BLTP1: variants seen among roughly 807,000 people sequenced by gnomAD.
BLTP1 encodes bridge-like lipid transfer protein family member 1, also known as fragile site-associated protein.
At chr4:122,207,761 C>A in the BLTP1 span, 1 of 1,043,068 alleles carries the variant, frequency 9.6e-7, no homozygotes, top group Non-Finnish European at 1.3e-6. Flanking sequence ...AGCTTTCCTC[C>A]AATGTCTACT....
chr4:122,176,169 G>C, the BLTP1 span, among the ~76,000 whole-genome samples: 2 of 151,974 alleles, frequency 1.3e-5, no homozygotes, highest in Admixed American at 1.3e-4. Flanking sequence ...TGGGCGTGGT[G>C]GTGGGCACCT....
the BLTP1 span, chr4:122,289,832 A>G: frequency 1.0e-6 from 1 of 971,044 alleles, no homozygotes; most frequent in South Asian, 4.8e-5. Flanking sequence ...TAACAAATTT[A>G]TGAAGTATCT....
At chr4:122,303,097 GC>G in the BLTP1 span, among the ~76,000 whole-genome samples, 1 of 152,184 alleles carries the variant, frequency 6.6e-6, no homozygotes, top group East Asian at 1.9e-4. Flanking sequence ...AGAAATCAAT[GC>G]CTGGCTTCAA....
At chr4:122,211,215 C>A in the BLTP1 span, 2 of 879,024 alleles carry the variant, frequency 2.3e-6, no homozygotes, top group Non-Finnish European at 3.4e-6. Flanking sequence ...GAGGATATAC[C>A]AGATATGTTG....
the BLTP1 span, chr4:122,236,997 C>T: frequency 1.0e-6 from 1 of 985,254 alleles, no homozygotes; most frequent in South Asian, 4.7e-5. Flanking sequence ...TTTGGAAGGT[C>T]AGTGAGCACT....
At chr4:122,234,720 T>A in the BLTP1 span, 38 of 1,531,894 alleles carry the variant, frequency 2.5e-5, no homozygotes, top group African/African-American at 4.2e-4. Flanking sequence ...TTTTCATTTC[T>A]TAATGATTTT....
At chr4:122,234,572 T>G in the BLTP1 span, 9 of 194,260 alleles carry the variant, frequency 4.6e-5, no homozygotes, top group South Asian at 3.6e-4. Context: ...TCCGTCTCAC[T>G]TGCTCTGGTA....
the BLTP1 span, among the ~76,000 whole-genome samples, chr4:122,283,016 A>G: frequency 2.6e-5 from 4 of 152,124 alleles, no homozygotes; most frequent in East Asian, 7.7e-4. Context: ...TTATCATTTA[A>G]CTTTTTCTTT....
chr4:122,265,728 T>TTGATCTATAGCCCA, the BLTP1 span, among the ~76,000 whole-genome samples: 2 of 152,216 alleles, frequency 1.3e-5, no homozygotes, highest in African/African-American at 4.8e-5. Context: ...AGACAGAGTC[T>TTGATCTATAGCCCA]TGATCTATAG....
the BLTP1 span, chr4:122,207,514 C>CTT: frequency 0.031 from 39,180 of 1,274,034 alleles, 109 homozygotes; most frequent in South Asian, 0.063. Context: ...ACTTTTTCTT[C>CTT]TTTTTTTTTT....
chr4:122,318,201 G>A, the BLTP1 span: 2 of 1,610,916 alleles, frequency 1.2e-6, no homozygotes, highest in Non-Finnish European at 1.7e-6. Context: ...GTTACCAACA[G>A]TTAGAATCTG....
chr4:122,222,039 G>C, the BLTP1 span: 4 of 326,216 alleles, frequency 1.2e-5, no homozygotes, highest in Non-Finnish European at 1.8e-5. Context: ...TTGGGGATTA[G>C]AGAAGGAGTT....
chr4:122,240,732 A>G, the BLTP1 span, among the ~76,000 whole-genome samples: 7 of 152,178 alleles, frequency 4.6e-5, no homozygotes, highest in South Asian at 1.2e-3. Flanking sequence ...AAAGGCTTCA[A>G]TGTCCACTTA....
chr4:122,189,468 A>G, the BLTP1 span: 1 of 951,142 alleles, frequency 1.1e-6, no homozygotes, highest in Non-Finnish European at 1.3e-6. Context: ...TCATGGAAAT[A>G]GGTAATAAGA....
the BLTP1 span, chr4:122,315,414 T>G: frequency 6.2e-7 from 1 of 1,607,338 alleles, no homozygotes; most frequent in South Asian, 1.1e-5. Context: ...GTTATTTCAA[T>G]TTCTATACCC....
the BLTP1 span, among the ~76,000 whole-genome samples, chr4:122,257,912 G>A: frequency 6.6e-6 from 1 of 152,126 alleles, no homozygotes; most frequent in Non-Finnish European, 1.5e-5. Context: ...AATATAAGTA[G>A]AACGTTTTGA....
chr4:122,208,574 G>GT, the BLTP1 span: 8,165 of 964,566 alleles, frequency 8.5e-3, 48 homozygotes, highest in Non-Finnish European at 9.5e-3. Context: ...GCTTATAAAA[G>GT]TTTTTTTAAA....
the BLTP1 span, chr4:122,209,989 TAAG>T: frequency 8.0e-5 from 124 of 1,555,196 alleles, no homozygotes; most frequent in African/African-American, 4.3e-4. Context: ...TCATGAAAAA[TAAG>T]AAGCAAATAA....
the BLTP1 span, chr4:122,186,302 C>T: frequency 1.9e-6 from 2 of 1,028,658 alleles, no homozygotes; most frequent in Non-Finnish European, 1.3e-6. Flanking sequence ...AGGCTATGCA[C>T]CTAAACAGAG....
Sources: allele counts gnomAD v4.1 joint callset (sites outside exome capture counted in the v4.1 genomes callset), GRCh38; gene constraint gnomAD v4.1.1; transcripts MANE v1.5; gene names NCBI Gene and HGNC (gene_info 2026-07-23, HGNC 2026-07-21).